PKHD1: variants seen among roughly 807,000 people sequenced by gnomAD.
The protein encoded by PKHD1 is PKHD1 ciliary IPT domain containing fibrocystin/polyductin.
PKHD1 carries 291 observed loss-of-function variants against 412.0 expected under a neutral mutation model. That is an observed-to-expected ratio of 0.71 (90% confidence interval 0.64 to 0.78). The LOEUF (loss-of-function observed/expected upper bound fraction) is 0.78. Among genes scored for constraint, PKHD1 ranks in the 30% least tolerant of loss-of-function variants. The pLI is 0.00. For missense variants in PKHD1, 4,825 were observed against 4,950.7 expected, an observed-to-expected ratio of 0.97 and a Z score of 0.76; for synonymous variants, 1,777 against 1,821.5, an observed-to-expected ratio of 0.98 and a Z score of 0.62.
chr6:51,881,581 C>A (rs1300856544), intron 46 of PKHD1, among the ~76,000 whole-genome samples: 1 of 152,138 alleles, frequency 6.6e-6, no homozygotes, highest in Non-Finnish European at 1.5e-5. Flanking sequence ...GGTATGAACA[C>A]TAATAAATGT....
chr6:51,665,244 A>G (rs539576810), intron 60 of PKHD1, among the ~76,000 whole-genome samples: 6 of 152,250 alleles, frequency 3.9e-5, no homozygotes, highest in South Asian at 4.1e-4. Context: ...TTCTAGCCCA[A>G]TGTTTCTCAG....
intron 4 of PKHD1, among the ~76,000 whole-genome samples, chr6:52,081,132 C>T (rs13217774): frequency 6.6e-6 from 1 of 152,018 alleles, no homozygotes; most frequent in Non-Finnish European, 1.5e-5. Context: ...GATCATATTT[C>T]TTTTCTTTAA....
intron 26 of PKHD1, 38 bp downstream of exon 26, chr6:52,043,587 G>C (rs372111107): frequency 9.1e-6 from 13 of 1,424,442 alleles, no homozygotes; most frequent in Non-Finnish European, 1.2e-5. Context: ...GCAAGTCTCC[G>C]GCTTAAGCCC....
chr6:51,955,062 C>G (rs1259592435), intron 36 of PKHD1, among the ~76,000 whole-genome samples: 1 of 151,952 alleles, frequency 6.6e-6, no homozygotes, highest in Non-Finnish European at 1.5e-5. Flanking sequence ...TGCCTATGGC[C>G]ATTGGGCATC....
chr6:51,892,946 G>C (rs1326094922), intron 43 of PKHD1, among the ~76,000 whole-genome samples: 1 of 152,164 alleles, frequency 6.6e-6, no homozygotes, highest in Non-Finnish European at 1.5e-5. Context: ...TACCACAGCT[G>C]TTGTTCTCAG....
At chr6:51,890,702 T>TG (rs1562543853) in intron 43 of PKHD1, among the ~76,000 whole-genome samples, 1 of 152,016 alleles carries the variant, frequency 6.6e-6, no homozygotes, top group Non-Finnish European at 1.5e-5. Flanking sequence ...TCTCACCACA[T>TG]GGGGAAAAAA....
intron 57 of PKHD1, among the ~76,000 whole-genome samples, chr6:51,751,856 T>A (rs1249712660): frequency 3.3e-5 from 5 of 152,204 alleles, no homozygotes; most frequent in African/African-American, 1.2e-4. Flanking sequence ...TAGGATTAAA[T>A]AAGATAAAAT....
Position 51,940,736 on chromosome 6 carries a change from G to A in PKHD1, c.5909-6414C>T, listed in dbSNP as rs199551931. The stretch of plus-strand genomic sequence containing the variant: ...AACTCTCACAGTGGAAGGTAAGTCC[G>A]TCCCCTTCTTAGTCAATACGGAGGC... On this transcript the variant is annotated intron_variant, in intron 36 of 66. Transcript: ENST00000371117. 2.9e-4 allele frequency among the ~76,000 whole-genome samples: 44 copies of A among 151,594 alleles called. 1 individual carries two copies. The East Asian group carries it at 7.5e-3, about 26-fold the overall frequency.
chr6:51,839,563 C>T (rs950171120), intron 50 of PKHD1, among the ~76,000 whole-genome samples: 1 of 152,088 alleles, frequency 6.6e-6, no homozygotes, highest in Admixed American at 6.6e-5. Flanking sequence ...AGATGTGATA[C>T]GAGGTCCTAC....
intron 53 of PKHD1, 126 bp from the exon 54 acceptor site, chr6:51,776,047 T>A: frequency 1.6e-6 from 1 of 620,738 alleles, no homozygotes; most frequent in Non-Finnish European, 2.9e-6. Flanking sequence ...GAGGAGTCAA[T>A]GGTCATGCAG....
intron 27 of PKHD1, among the ~76,000 whole-genome samples, chr6:52,042,074 C>A (rs1045236436): frequency 4.6e-5 from 7 of 152,220 alleles, no homozygotes; most frequent in Non-Finnish European, 8.8e-5. Flanking sequence ...TGATCTTTCA[C>A]TCTGAGCTCC....
At chr6:52,020,175 A>C (rs1228364028) in intron 33 of PKHD1, among the ~76,000 whole-genome samples, 1 of 152,234 alleles carries the variant, frequency 6.6e-6, no homozygotes, top group Non-Finnish European at 1.5e-5. Flanking sequence ...AAATGAAAAG[A>C]GTAAGACAGT....
chr6:51,749,261 G>A (rs994350553), intron 57 of PKHD1, among the ~76,000 whole-genome samples: 6 of 152,128 alleles, frequency 3.9e-5, no homozygotes, highest in African/African-American at 1.4e-4. Context: ...TAAAGATTCT[G>A]TAAAATGTTT....
intron 57 of PKHD1, among the ~76,000 whole-genome samples, chr6:51,749,544 CT>C (rs1474093808): frequency 6.6e-6 from 1 of 152,032 alleles, no homozygotes; most frequent in East Asian, 1.9e-4. Context: ...GAATTAAATA[CT>C]TTAACTCTCA....
chr6:51,867,133 C>T (rs1320326957), intron 48 of PKHD1, among the ~76,000 whole-genome samples: 1 of 152,098 alleles, frequency 6.6e-6, no homozygotes, highest in Admixed American at 6.6e-5. Context: ...ACTTAATACT[C>T]ATGGAGTTAG....
chr6:51,848,080 T>C, intron 49 of PKHD1, 110 bp from the exon 50 acceptor site: 2 of 757,242 alleles, frequency 2.6e-6, no homozygotes, highest in Non-Finnish European at 2.4e-6. Flanking sequence ...GCAGATGGAG[T>C]AGTTTAGAAA....
chr6:51,907,963 G>C (rs1219376959), intron 40 of PKHD1, among the ~76,000 whole-genome samples: 4 of 152,084 alleles, frequency 2.6e-5, no homozygotes, highest in Non-Finnish European at 5.9e-5. Context: ...AGGTGGGAGA[G>C]ATAGGTTAGG....
chr6:51,919,269 A>T (rs1031018366), intron 37 of PKHD1, among the ~76,000 whole-genome samples: 1 of 152,164 alleles, frequency 6.6e-6, no homozygotes, highest in Non-Finnish European at 1.5e-5. Context: ...TAGGTCTAAC[A>T]TTTAAGACTT....
chr6:51,819,740 T>C (rs1032942406), intron 52 of PKHD1, among the ~76,000 whole-genome samples: 3 of 152,226 alleles, frequency 2.0e-5, no homozygotes, highest in African/African-American at 7.2e-5. Flanking sequence ...TTCTGAACTC[T>C]GTTTTCATAT....
Sources: gnomAD v4.1 joint callset for allele counts (sites outside exome capture counted in the v4.1 genomes callset) on GRCh38, gnomAD v4.1.1 for gene constraint, MANE v1.5 for transcripts, NCBI Gene and HGNC (gene_info 2026-07-23, HGNC 2026-07-21) for gene names.